Variants in ROR2 observed in about 807,000 individuals in gnomAD.
The protein encoded by ROR2 is tyrosine-protein kinase transmembrane receptor ROR2.
Under a neutral mutation model 74.9 loss-of-function variants are expected in ROR2, and 33 were observed. The ratio of observed to expected loss-of-function variants is 0.44; its 90% confidence interval spans 0.33 to 0.59. ROR2 has a LOEUF of 0.59. ROR2 is among the 20% of genes least tolerant of loss of function. ROR2 has a pLI of 0.02. For missense variants in ROR2, 1,216 were observed against 1,313.8 expected, an observed-to-expected ratio of 0.93 and a Z score of 1.15; for synonymous variants, 586 against 558.7, an observed-to-expected ratio of 1.05 and a Z score of -0.69.
At chr9:91,761,189 A>G (rs942158166) in intron 2 of ROR2, among the ~76,000 whole-genome samples, 2 of 152,128 alleles carry the variant, frequency 1.3e-5, no homozygotes, top group Non-Finnish European at 2.9e-5. Flanking sequence ...CAGGTTTCCA[A>G]TGAAACCAAC....
chr9:91,917,366 G>A (rs1447335460), intron 1 of ROR2, among the ~76,000 whole-genome samples: 2 of 152,156 alleles, frequency 1.3e-5, no homozygotes, highest in Non-Finnish European at 2.9e-5. Flanking sequence ...ACAACGCCAA[G>A]AAAGAGACTG....
rs34963566 is a variant in ROR2, at chr9:91,830,809, C to CGTGTGTGTGTGTGTGT, written c.98-55007_98-54992dup. Among the ~76,000 whole-genome samples the CGTGTGTGTGTGTGTGT allele has an allele frequency of 7.5e-4, 105 of 139,678 alleles. 1 individual carries two copies. Among genetic ancestry groups the CGTGTGTGTGTGTGTGT allele is most frequent in the Admixed American group, 4.6e-3 (64 of 13,830 alleles). The allele number at this position is 139,678 out of a possible 152,430, so 91.6% of individuals were successfully genotyped here. A position where few individuals can be genotyped will look rare whatever the true frequency, so the allele number is the denominator to read the frequency against. On this transcript the variant is annotated intron_variant, in intron 1 of 8. Coordinates refer to ENST00000375708, the MANE Select transcript of ROR2 (RefSeq NM_004560.4). Reference sequence around the variant, plus strand: ...TTTACCAAAACTAAATAACTGTGTCCGTGTGTGTGTGTGTGTGTGTGTGTG... The same window carrying CGTGTGTGTGTGTGTGT: ...TTTACCAAAACTAAATAACTGTGTCCGTGTGTGTGTGTGTGTGTGTGTGTGTGTGTGTGTGTGTGTG...
At chr9:91,887,383 C>T (rs964628742) in intron 1 of ROR2, among the ~76,000 whole-genome samples, 5 of 152,180 alleles carry the variant, frequency 3.3e-5, no homozygotes, top group African/African-American at 1.2e-4. Flanking sequence ...TATCCCAGAG[C>T]AGTACGCAAG....
intron 4 of ROR2, among the ~76,000 whole-genome samples, chr9:91,743,871 A>G (rs9409653): frequency 0.78 from 118,032 of 152,218 alleles, 45,856 homozygotes; most frequent in African/African-American, 0.84. Flanking sequence ...AAATCACAAT[A>G]TTGAAATGAA....
chr9:91,919,557 A>T (rs868508402), intron 1 of ROR2, among the ~76,000 whole-genome samples: 16 of 152,120 alleles, frequency 1.1e-4, no homozygotes, highest in African/African-American at 3.6e-4. Context: ...AACATTCTTC[A>T]AAATTCTCAG....
At chr9:91,746,100 G>T (rs983030216) in intron 4 of ROR2, among the ~76,000 whole-genome samples, 1 of 151,926 alleles carries the variant, frequency 6.6e-6, no homozygotes, top group Non-Finnish European at 1.5e-5. Flanking sequence ...TTTAAAACAT[G>T]GAGTCTCGCT....
chr9:91,809,769 G>A (rs949411379), intron 1 of ROR2, among the ~76,000 whole-genome samples: 1 of 152,242 alleles, frequency 6.6e-6, no homozygotes. Flanking sequence ...GAGCCCACAT[G>A]CCCACAGACC....
intron 1 of ROR2, among the ~76,000 whole-genome samples, chr9:91,849,502 C>T (rs1279528054): frequency 6.6e-6 from 1 of 152,256 alleles, no homozygotes; most frequent in African/African-American, 2.4e-5. Flanking sequence ...GATTCCCACC[C>T]TAGGCCACAT....
intron 1 of ROR2, among the ~76,000 whole-genome samples, chr9:91,864,607 C>T (rs1829573539): frequency 6.6e-6 from 1 of 152,230 alleles, no homozygotes; most frequent in Admixed American, 6.5e-5. Context: ...AGACAATCAG[C>T]AACCCTGCCA....
At chr9:91,833,140 G>T (rs933538224) in intron 1 of ROR2, among the ~76,000 whole-genome samples, 1 of 152,198 alleles carries the variant, frequency 6.6e-6, no homozygotes, top group Non-Finnish European at 1.5e-5. Flanking sequence ...TGGGCAAGAG[G>T]CATGGCATCA....
At chr9:91,781,059 G>T (rs540758998) in intron 1 of ROR2, among the ~76,000 whole-genome samples, 1 of 152,292 alleles carries the variant, frequency 6.6e-6, no homozygotes, top group South Asian at 2.1e-4. Flanking sequence ...TGCTTACTGT[G>T]ATGCAATTAG....
chr9:91,732,078 G>A (rs762070036), intron 6 of ROR2, among the ~76,000 whole-genome samples: 2 of 152,116 alleles, frequency 1.3e-5, no homozygotes, highest in Non-Finnish European at 2.9e-5. Flanking sequence ...GCAGGCAACG[G>A]GCCCAAGGAC....
At chr9:91,920,859 G>A (rs79152318) in intron 1 of ROR2, among the ~76,000 whole-genome samples, 21,266 of 152,216 alleles carry the variant, frequency 0.14, 2,174 homozygotes, top group East Asian at 0.28. Flanking sequence ...GTGGCCCCAG[G>A]CACTCAGGCA....
intron 1 of ROR2, among the ~76,000 whole-genome samples, chr9:91,885,104 T>C (rs761542459): frequency 1.4e-4 from 21 of 152,146 alleles, no homozygotes; most frequent in Non-Finnish European, 2.6e-4. Flanking sequence ...CAGCTCTCTC[T>C]AGTTCCCACC....
At chr9:91,839,684 G>GGT (rs751606989) in intron 1 of ROR2, among the ~76,000 whole-genome samples, 1 of 149,338 alleles carries the variant, frequency 6.7e-6, no homozygotes, top group Non-Finnish European at 1.5e-5. Flanking sequence ...ATATGGTGTG[G>GGT]GTGTGTGTGT....
chr9:91,759,020 G>A (rs1587692065), intron 2 of ROR2, among the ~76,000 whole-genome samples: 1 of 152,232 alleles, frequency 6.6e-6, no homozygotes, highest in Admixed American at 6.5e-5. Flanking sequence ...CTTCAAAACA[G>A]ATACATCCAT....
chr9:91,736,266 C>T (rs1460358659), intron 5 of ROR2, among the ~76,000 whole-genome samples: 3 of 152,202 alleles, frequency 2.0e-5, no homozygotes, highest in African/African-American at 7.2e-5. Context: ...TCTGTACCAG[C>T]ACATGGGCCA....
At chr9:91,924,576 G>A (rs1440867575) in intron 1 of ROR2, among the ~76,000 whole-genome samples, 1 of 152,158 alleles carries the variant, frequency 6.6e-6, no homozygotes, top group African/African-American at 2.4e-5. Flanking sequence ...GGCGGATCAC[G>A]AGGTCAGGAG....
intron 1 of ROR2, among the ~76,000 whole-genome samples, chr9:91,778,569 G>C (rs1826502017): frequency 6.6e-6 from 1 of 152,192 alleles, no homozygotes. Flanking sequence ...TGGCCTTCTG[G>C]ACCATCAGAA....
Sources: allele counts gnomAD v4.1 joint callset (sites outside exome capture counted in the v4.1 genomes callset), GRCh38; gene constraint gnomAD v4.1.1; transcripts MANE v1.5; gene names NCBI Gene and HGNC (gene_info 2026-07-23, HGNC 2026-07-21).